Variants in BRSK2 observed in about 807,000 individuals in gnomAD.
The protein encoded by BRSK2 is serine/threonine-protein kinase BRSK2.
In BRSK2, 19 loss-of-function variants were observed where a neutral mutation model predicts 83.3. That is an observed-to-expected ratio of 0.23 (90% CI 0.16 to 0.33). The LOEUF (loss-of-function observed/expected upper bound fraction) is 0.33, where lower values mean the gene tolerates loss of function less well. Among genes scored for constraint, BRSK2 ranks in the 10% least tolerant of loss-of-function variants. The probability of loss-of-function intolerance (pLI) is 1.00; values close to 1 mark genes in which losing one functional copy is unlikely to be tolerated. For missense variants in BRSK2, 798 were observed against 1,042.3 expected (o/e 0.77, Z 3.23); for synonymous variants, 519 against 435.4 (o/e 1.19, Z -2.39).
chr11:1,391,373 G>C (rs897861768), intron 1 of BRSK2, among the ~76,000 whole-genome samples: 3 of 152,244 alleles, frequency 2.0e-5, no homozygotes, highest in Non-Finnish European at 4.4e-5. Context: ...AGGAGGAGGA[G>C]AGCGCTGGTG....
At chr11:1,450,541 A>C (rs1845693348) in intron 13 of BRSK2, 46 bp from the exon 14 acceptor site, 43 of 1,006,562 alleles carry the variant, frequency 4.3e-5, no homozygotes, top group East Asian at 9.0e-5. Flanking sequence ...CCCGGCCCCC[A>C]CCCGCCGGGA....
At position 1,434,897 on chromosome 11, in the gene BRSK2, C is replaced by CTGAGG. The variant is rs2132989162; in HGVS notation, c.92-1143_92-1142insTGAGG. Among the ~76,000 whole-genome samples, 3 of 152,188 alleles carry CTGAGG rather than the reference C, an allele frequency of 2.0e-5. 1 individual carries two copies. The South Asian group carries it at 6.2e-4, about 32-fold the overall frequency. On this transcript the variant is annotated intron_variant, in intron 1 of 19. Coordinates refer to ENST00000528841, the MANE Select transcript of BRSK2 (RefSeq NM_001256627.2). ...CTGGGGGCATCTCCAGTGTCAAGGCCACAGCTCAGGCCAGGTGGGGCTCAG... is the reference window on the plus strand; with the variant it reads ...CTGGGGGCATCTCCAGTGTCAAGGCCTGAGGACAGCTCAGGCCAGGTGGGGCTCAG...
rs1203416105 is a variant in BRSK2, at chr11:1,445,983, AC to A, written c.1226+79del. On this transcript the variant is annotated intron_variant, in intron 12 of 19. Transcript: ENST00000528841. ...CGGCACTGCCGCCTGGCTCATCGCT[AC>A]CCATTGGCCTGGGGTCTCGGCTGAG... 4.8e-5 allele frequency: 72 copies of A among 1,506,862 alleles called. No individual in the cohort carries two copies. In the Admixed American group the frequency reaches 1.5e-3, roughly 31 times the overall value. The allele number at this position is 1,506,862 out of a possible 1,614,324, so 93.3% of individuals were successfully genotyped here.
Position 1,426,647 on chromosome 11 carries a change from G to T in BRSK2, c.92-9393G>T, listed in dbSNP as rs944832790. 2.6e-5 allele frequency among the ~76,000 whole-genome samples: 4 copies of T among 152,110 alleles called. No individual in the cohort carries two copies. In the South Asian group the frequency reaches 8.3e-4, roughly 32 times the overall value. ...GCCTGGCCCTGGGTGAAGGTGCCCC[G>T]TGTCTTTTCTGTGTGACTCTCACCT... On this transcript the variant is annotated intron_variant, in intron 1 of 19. Transcript: ENST00000528841.
In BRSK2 at chr11:1,461,971, C is replaced by A. The variant is rs908573050; in HGVS notation, c.*1248C>A. The stretch of plus-strand genomic sequence containing the variant: ...TTGTAGCGGGCGGCAGCGCCAGCGC[C>A]CCTCTGTCAGGCTGGGGCAATCTTG... On this transcript the variant is annotated 3_prime_UTR_variant, in exon 20 of 20. Coordinates refer to ENST00000528841, the MANE Select transcript of BRSK2 (RefSeq NM_001256627.2). 107 of 152,280 alleles carry A rather than the reference C, an allele frequency of 7.0e-4. No homozygotes were observed. The highest frequency in any genetic ancestry group is 2.5e-3 in the African/African-American group (105 of 41,548). The allele number at this position is 152,280 out of a possible 1,614,324, so 9.4% of individuals were successfully genotyped here. A position where few individuals can be genotyped will look rare whatever the true frequency, so the allele number is the denominator to read the frequency against.
intron 1 of BRSK2, among the ~76,000 whole-genome samples, chr11:1,402,877 A>C (rs1846584879): frequency 6.6e-6 from 1 of 152,100 alleles, no homozygotes; most frequent in Non-Finnish European, 1.5e-5. Flanking sequence ...GCCTCTGAGG[A>C]GATGGAGGGC....
rs780090052 is a variant in BRSK2 at position 1,450,706 on chromosome 11, C to T, written c.1407C>T (p.Ser469=). 25 of 1,606,858 alleles carry T rather than the reference C, an allele frequency of 1.6e-5. No homozygotes were observed. Among genetic ancestry groups the T allele is most frequent in the South Asian group, 7.7e-5 (7 of 90,386 alleles). The change falls in exon 14 of 20, where the codon AGC becomes AGT. Residue 469 remains serine (S), a synonymous_variant. Transcript: ENST00000528841. ...ACCCCACGCCCCCGTCCAGCCCCAG[C>T]GTCGGAGGGGTGCCCTGGAGGGCGC... ...TPNPTPPSSP[S]VGGVPWRARL... is the part of the protein sequence containing the mutation.
At chr11:1,397,869 T>A (rs1846219843) in intron 1 of BRSK2, among the ~76,000 whole-genome samples, 2 of 151,890 alleles carry the variant, frequency 1.3e-5, no homozygotes, top group South Asian at 4.2e-4. Context: ...CCAGTGGGAG[T>A]TCTGGGCACC....
chr11:1,439,843 C>CCTTCCCCTGCCCTGGGGGCTTCACAA (rs1850930645), intron 3 of BRSK2, among the ~76,000 whole-genome samples: 1 of 149,168 alleles, frequency 6.7e-6, no homozygotes, highest in Admixed American at 6.6e-5. Flanking sequence ...GGGCTTCACA[C>CCTTCCCCTGCCCTGGGGGCTTCACAA]CTTCCCCTGC....
Position 1,454,203 on chromosome 11 carries a change from A to T in BRSK2, c.1545-282A>T. Reference sequence around the variant, plus strand: ...GGCTCACCTGTGGAGGGGCATCCCCAGACTTGGGAGTGGGTGGCATATGGG... The same window carrying T: ...GGCTCACCTGTGGAGGGGCATCCCCTGACTTGGGAGTGGGTGGCATATGGG... On this transcript the variant is annotated intron_variant, in intron 15 of 19. Transcript: ENST00000528841. The surrounding 1 kb of genome is among the most constrained non-coding windows in gnomAD (Gnocchi z 5.2). 1 of 227,802 alleles carries T rather than the reference A, an allele frequency of 4.4e-6. No homozygotes were observed. The highest frequency in any genetic ancestry group is 1.4e-4 in the East Asian group (1 of 6,964). 14.1% of individuals were successfully genotyped at this position (227,802 alleles called of 1,614,324 possible). A position where few individuals can be genotyped will look rare whatever the true frequency, so the allele number is the denominator to read the frequency against.
intron 2 of BRSK2, 101 bp downstream of exon 2, chr11:1,436,235 C>A: frequency 8.9e-6 from 1 of 112,696 alleles, no homozygotes; most frequent in South Asian, 2.3e-4. Flanking sequence ...GTGCTGGATG[C>A]GGGTGGGGGG....
chr11:1,394,878 G>A (rs71469891), intron 1 of BRSK2, among the ~76,000 whole-genome samples: 8,476 of 106,050 alleles, frequency 0.08, 739 homozygotes, highest in Non-Finnish European at 0.12. Context: ...CCATGGAGAT[G>A]GGTCCTGGAG....
rs557045120 is a variant in BRSK2 at position 1,397,828 on chromosome 11, T to C, written c.91+7453T>C. 3.3e-5 allele frequency among the ~76,000 whole-genome samples: 5 copies of C among 151,034 alleles called. No individual in the cohort carries two copies. In the South Asian group the frequency reaches 1.0e-3, roughly 32 times the overall value. The stretch of plus-strand genomic sequence containing the variant: ...CTGAGGGGAATGGACACTTCTGGGA[T>C]GGAGCTGGGCTGGGGTGGGGCTGGG... On this transcript the variant is annotated intron_variant, in intron 1 of 19. Transcript: ENST00000528841.
intron 1 of BRSK2, among the ~76,000 whole-genome samples, chr11:1,412,920 CG>C (rs1847691370): frequency 6.6e-6 from 1 of 150,566 alleles, no homozygotes; most frequent in African/African-American, 2.5e-5. Flanking sequence ...GGGACGGGAC[CG>C]CCCATGGCCT....
chr11:1,408,834 T>TGGGGG (rs1326857052), intron 1 of BRSK2, among the ~76,000 whole-genome samples: 2 of 151,208 alleles, frequency 1.3e-5, no homozygotes, highest in African/African-American at 4.9e-5. Flanking sequence ...TGTGTGTGTG[T>TGGGGG]GGCTGTGCTG....
intron 1 of BRSK2, among the ~76,000 whole-genome samples, chr11:1,400,082 C>G (rs1176899974): frequency 6.6e-6 from 1 of 152,244 alleles, no homozygotes; most frequent in East Asian, 1.9e-4. Context: ...GAGAAATTAG[C>G]ACTGATTTCT....
rs142754088 is a variant in BRSK2, at chr11:1,423,827, G to A, written c.92-12213G>A. 0.012 allele frequency among the ~76,000 whole-genome samples: 1,820 copies of A among 147,498 alleles called. 2 individuals are homozygous for A. The highest frequency in any genetic ancestry group is 0.019 in the Non-Finnish European group (1,256 of 65,834). ...CCCGCTGGGCGTTCCGGGTGCCCCA[G>A]GCCTCCCCCGCTGAGTGTTCCCGGT... is the stretch of plus-strand genomic sequence containing the variant. On this transcript the variant is annotated intron_variant, in intron 1 of 19. Coordinates refer to ENST00000528841, the MANE Select transcript of BRSK2 (RefSeq NM_001256627.2). This position sits in a 1 kb window ranked among gnomAD's most constrained non-coding sequence, Gnocchi z 6.5.
intron 1 of BRSK2, among the ~76,000 whole-genome samples, chr11:1,404,068 A>G (rs1482486582): frequency 6.6e-6 from 1 of 152,118 alleles, no homozygotes; most frequent in African/African-American, 2.4e-5. Flanking sequence ...AGCAGAGTTC[A>G]CATCTGTCTG....
intron 1 of BRSK2, among the ~76,000 whole-genome samples, chr11:1,401,106 G>A (rs1846446242): frequency 6.6e-6 from 1 of 152,110 alleles, no homozygotes; most frequent in Admixed American, 6.6e-5. Flanking sequence ...AGAGCTGCAC[G>A]GGGCAGGGTG....
Sources: allele counts gnomAD v4.1 joint callset (sites outside exome capture counted in the v4.1 genomes callset), GRCh38; gene constraint gnomAD v4.1.1; non-coding constraint Gnocchi (gnomAD v3.1); transcripts MANE v1.5; gene names NCBI Gene and HGNC (gene_info 2026-07-23, HGNC 2026-07-21).